The following PBX1 variants were observed in gnomAD, a reference collection of about 807,000 sequenced individuals.
PBX1 encodes pre-B-cell leukemia transcription factor 1.
A neutral mutation model predicts 53.4 loss-of-function variants in PBX1; 6 were observed. That is an observed-to-expected ratio of 0.11 (90% CI 0.06 to 0.22). The LOEUF (loss-of-function observed/expected upper bound fraction) is 0.22. Among genes scored for constraint, PBX1 ranks in the 10% least tolerant of loss-of-function variants. PBX1 has a pLI of 1.00. For synonymous variants in PBX1, 204 were observed against 212.3 expected (o/e 0.96, Z 0.34); for missense variants, 251 against 551.4 (o/e 0.46, Z 5.46).
chr1:164,809,699 T>A (rs913077519), intron 5 of PBX1, among the ~76,000 whole-genome samples: 1 of 152,232 alleles, frequency 6.6e-6, no homozygotes, highest in African/African-American at 2.4e-5. Flanking sequence ...TCACAAATTC[T>A]TTTGAAATCT....
At chr1:164,718,312 AC>A (rs1479821093) in intron 2 of PBX1, among the ~76,000 whole-genome samples, 79 of 152,260 alleles carry the variant, frequency 5.2e-4, no homozygotes, top group Non-Finnish European at 4.1e-4. Context: ...ATCATACACA[AC>A]CTCCACAAAG....
chr1:164,802,874 T>G lies in PBX1; in HGVS notation c.701+2985T>G, dbSNP rs546740215. ...ATTATCAGGACTATAAATAACATTT[T>G]TTTTTTTTAGTTAAAAGAGGGAGAG... On this transcript the variant is annotated intron_variant, in intron 4 of 8. Coordinates refer to ENST00000420696, the MANE Select transcript of PBX1 (RefSeq NM_002585.4). Among the ~76,000 whole-genome samples the G allele has an allele frequency of 2.0e-5, 3 of 152,330 alleles. No individual in the cohort carries two copies. In the South Asian group the frequency reaches 6.2e-4, roughly 32 times the overall value.
At chr1:164,871,325 C>A (rs1672378112) in intron 2 of PBX1, among the ~76,000 whole-genome samples, 1 of 152,130 alleles carries the variant, frequency 6.6e-6, no homozygotes, top group Non-Finnish European at 1.5e-5. Context: ...AGGGAGAGAG[C>A]CAGGCCTTGG....
In PBX1 at chr1:164,792,585, G is replaced by T. The variant is rs772022038; in HGVS notation, c.357G>T (p.Gly119=). Residue 119 remains glycine, a synonymous_variant, in exon 3 of 9, where the codon GGG becomes GGT. Transcript: ENST00000420696. The part of the protein sequence containing the change: ...DNMLLAEGVA[G]PEKGGGSAAA... ...TGCTGTTAGCGGAAGGCGTGGCGGG[G>T]CCTGAGAAGGGCGGAGGGTCGGCGG... 2.5e-6 allele frequency: 4 copies of T among 1,614,084 alleles called. 1 individual carries two copies. The South Asian group carries it at 4.4e-5, about 18-fold the overall frequency.
chr1:164,793,673 A>T (rs1355433486), intron 3 of PBX1, among the ~76,000 whole-genome samples: 1 of 152,128 alleles, frequency 6.6e-6, no homozygotes, highest in Non-Finnish European at 1.5e-5. Context: ...ATGCTACTTT[A>T]TCAGGAGTCC....
intron 8 of PBX1, among the ~76,000 whole-genome samples, chr1:164,830,431 A>G (rs148608367): frequency 1.3e-5 from 2 of 152,330 alleles, no homozygotes; most frequent in East Asian, 3.9e-4. Flanking sequence ...CTTTCCAAAA[A>G]TAAATAGAGC....
intron 2 of PBX1, among the ~76,000 whole-genome samples, chr1:164,602,919 C>G (rs1189167166): frequency 2.0e-5 from 3 of 152,172 alleles, no homozygotes; most frequent in African/African-American, 4.8e-5. Flanking sequence ...CAGTCCACGT[C>G]CCGTCCCGGC....
chr1:164,649,219 G>A (rs1659641342), intron 2 of PBX1, among the ~76,000 whole-genome samples: 1 of 152,028 alleles, frequency 6.6e-6, no homozygotes, highest in African/African-American at 2.4e-5. Context: ...CCTTAACAAA[G>A]TATTCTATAA....
At chr1:164,623,194 G>A (rs898521231) in intron 2 of PBX1, among the ~76,000 whole-genome samples, 5 of 152,054 alleles carry the variant, frequency 3.3e-5, no homozygotes, top group African/African-American at 7.2e-5. Flanking sequence ...GGTAAGCCCC[G>A]CCTCGTTACA....
intron 2 of PBX1, among the ~76,000 whole-genome samples, chr1:164,881,562 T>TGAGAGA (rs759009258): frequency 1.1e-3 from 54 of 47,216 alleles, no homozygotes; most frequent in African/African-American, 5.0e-3. Flanking sequence ...GTAGCGGTGG[T>TGAGAGA]GAGAGAGAGA....
chr1:164,733,303 C>A (rs183762301), intron 2 of PBX1, among the ~76,000 whole-genome samples: 2 of 152,250 alleles, frequency 1.3e-5, no homozygotes, highest in Admixed American at 1.3e-4. Flanking sequence ...ATTGTTGTAT[C>A]CCACAAGGAC....
intron 2 of PBX1, among the ~76,000 whole-genome samples, chr1:164,728,318 CAA>C (rs1212181485): frequency 6.6e-5 from 6 of 91,240 alleles, no homozygotes; most frequent in East Asian, 5.9e-4. Context: ...CTTGTCTTAA[CAA>C]AAAAAAAAAA....
In PBX1 at chr1:164,628,759, G is replaced by T. The variant is rs1040801409; in HGVS notation, c.265+65448G>T. Among the ~76,000 whole-genome samples, 3 of 151,604 alleles carry T rather than the reference G, an allele frequency of 2.0e-5. No homozygotes were observed. The East Asian group carries it at 5.8e-4, about 29-fold the overall frequency. On this transcript the variant is annotated intron_variant, in intron 2 of 8. Transcript: ENST00000420696. Reference sequence around the variant, plus strand: ...CTATCTAGATATATATGATATGTGGGGTGCTATAAAATTTTTAGTGCCTTA... The same window carrying T: ...CTATCTAGATATATATGATATGTGGTGTGCTATAAAATTTTTAGTGCCTTA...
chr1:164,809,554 T>G lies in PBX1; in HGVS notation c.837+1877T>G, dbSNP rs1226617008. ...AACTGTGGGATCCTAGGGAACTCAC[T>G]CTTTCTTTTTGGATCTTAGTTGCCC... On this transcript the variant is annotated intron_variant, in intron 5 of 8. Coordinates refer to ENST00000420696, the MANE Select transcript of PBX1 (RefSeq NM_002585.4). Among the ~76,000 whole-genome samples the G allele has an allele frequency of 2.6e-5, 4 of 152,326 alleles. No individual in the cohort carries two copies. The East Asian group carries it at 7.7e-4, about 29-fold the overall frequency.
At chr1:164,592,405 T>C (rs188848630) in intron 2 of PBX1, among the ~76,000 whole-genome samples, 1 of 152,308 alleles carries the variant, frequency 6.6e-6, no homozygotes, top group East Asian at 1.9e-4. Flanking sequence ...AGCCCAACTT[T>C]CCAAAGTTAA....
rs531370058 is a variant in PBX1 at position 164,713,111 on chromosome 1, C to T, written c.266-79383C>T. Among the ~76,000 whole-genome samples, 8 of 152,262 alleles carry T rather than the reference C, an allele frequency of 5.3e-5. No homozygotes were observed. The South Asian group carries it at 1.7e-3, about 32-fold the overall frequency. On this transcript the variant is annotated intron_variant, in intron 2 of 8. Coordinates refer to ENST00000420696, the MANE Select transcript of PBX1 (RefSeq NM_002585.4). Reference sequence around the variant, plus strand: ...AAGGAGGATGTCAGCAGAGGTCCCACCAAGTCATTCGTTAATGACTGACAC... The same window carrying T: ...AAGGAGGATGTCAGCAGAGGTCCCATCAAGTCATTCGTTAATGACTGACAC...
chr1:164,665,227 T>C (rs1400932212), intron 2 of PBX1, among the ~76,000 whole-genome samples: 1 of 152,230 alleles, frequency 6.6e-6, no homozygotes, highest in Non-Finnish European at 1.5e-5. Context: ...TAAAAAAGTA[T>C]TAAACATTTT....
intron 2 of PBX1, among the ~76,000 whole-genome samples, chr1:164,649,765 G>A (rs1164359989): frequency 6.6e-6 from 1 of 152,158 alleles, no homozygotes; most frequent in African/African-American, 2.4e-5. Context: ...TGACCATGCT[G>A]GGTCTGTTCT....
At chr1:164,876,504 C>T (rs1248231757) in intron 2 of PBX1, among the ~76,000 whole-genome samples, 1 of 150,860 alleles carries the variant, frequency 6.6e-6, no homozygotes, top group African/African-American at 2.4e-5. Context: ...CGCAGGGATC[C>T]GCGTTTCTGA....
Sources: allele counts gnomAD v4.1 joint callset (sites outside exome capture counted in the v4.1 genomes callset), GRCh38; gene constraint gnomAD v4.1.1; transcripts MANE v1.5; gene names NCBI Gene and HGNC (gene_info 2026-07-23, HGNC 2026-07-21).